The following C1orf94 variants were observed in gnomAD, a reference collection of about 807,000 sequenced individuals.
C1orf94 encodes the protein uncharacterized protein C1orf94.
A neutral mutation model predicts 53.6 loss-of-function variants in C1orf94; 45 were observed. The observed-to-expected ratio is 0.84, with a 90% CI of 0.66 to 1.08. The LOEUF (loss-of-function observed/expected upper bound fraction) is 1.08, where lower values mean the gene tolerates loss of function less well. Among genes scored for constraint, C1orf94 ranks in the 50% least tolerant of loss-of-function variants. C1orf94 has a pLI of 0.00. For missense variants in C1orf94, 762 were observed against 738.9 expected, an observed-to-expected ratio of 1.03 and a Z score of -0.36; for synonymous variants, 304 against 296.1, an observed-to-expected ratio of 1.03 and a Z score of -0.27.
intron 1 of C1orf94, among the ~76,000 whole-genome samples, chr1:34,184,047 C>T (rs961841667): frequency 6.6e-6 from 1 of 152,134 alleles, no homozygotes; most frequent in Non-Finnish European, 1.5e-5. Context: ...TGAGGGGACA[C>T]ATGACTGAAC....
intron 3 of C1orf94, 65 bp from the exon 4 acceptor site, chr1:34,202,019 T>C (rs1272438090): frequency 6.5e-7 from 1 of 1,547,088 alleles, no homozygotes; most frequent in African/African-American, 1.4e-5. Context: ...GTTGCGATGC[T>C]GAAGGTGTCC....
rs1642632077 is a variant in C1orf94 at position 34,198,028 on chromosome 1, C to A, written c.1009+115C>A. 7 of 1,141,434 alleles carry A rather than the reference C, an allele frequency of 6.1e-6. No individual in the cohort carries two copies. In the Admixed American group the frequency reaches 1.4e-4, roughly 23 times the overall value. 70.7% of individuals were successfully genotyped at this position (1,141,434 alleles called of 1,614,324 possible). A position where few individuals can be genotyped will look rare whatever the true frequency, so the allele number is the denominator to read the frequency against. On this transcript the variant is annotated intron_variant, in intron 2 of 6. Coordinates refer to ENST00000488417, the MANE Select transcript of C1orf94 (RefSeq NM_001134734.2). ...CATCTTCATGCAAAGCAAGACAAAG[C>A]AGCCTCTCTGGTGGGCACAGCCCCG... is the stretch of plus-strand genomic sequence containing the variant.
rs371680483 is a variant in C1orf94, at chr1:34,200,908, G to A, written c.1146G>A (p.Pro382=). 3.3e-5 allele frequency: 54 copies of A among 1,613,998 alleles called. No homozygotes were observed. The highest frequency in any genetic ancestry group is 5.3e-5 in the African/African-American group (4 of 74,888). ...TGGGCACCGCATCACTGACCCTGCC[G>A]CCCAAGAAACCTACATGTCCAGCCG... ...DAVGTASLTL[P]PKKPTCPAEK... is the part of the protein sequence containing the mutation. Residue 382 remains proline, a synonymous_variant, in exon 3 of 7, where the codon CCG becomes CCA. Coordinates refer to ENST00000488417, the MANE Select transcript of C1orf94 (RefSeq NM_001134734.2).
chr1:34,200,598 G>A lies in C1orf94; in HGVS notation c.1010-174G>A, dbSNP rs139708311. Among the ~76,000 whole-genome samples the A allele has an allele frequency of 6.8e-3, 1,031 of 152,252 alleles. 10 individuals carry two copies. The highest frequency in any genetic ancestry group is 0.027 in the South Asian group (130 of 4,808). Reference sequence around the variant, plus strand: ...CATGAGATCGGGGGGCAGGGGCCAGGGAGGGTTTCAGGGAGAGATTGGGAT... The same window carrying A: ...CATGAGATCGGGGGGCAGGGGCCAGAGAGGGTTTCAGGGAGAGATTGGGAT... On this transcript the variant is annotated intron_variant, in intron 2 of 6. Coordinates refer to ENST00000488417, the MANE Select transcript of C1orf94 (RefSeq NM_001134734.2).
rs776573759 is a variant in C1orf94 at position 34,201,013 on chromosome 1, G to T, written c.1251G>T (p.Val417=). 7.5e-6 allele frequency: 12 copies of T among 1,598,742 alleles called. No homozygotes were observed. The East Asian group carries it at 1.8e-4, about 24-fold the overall frequency. The change falls in exon 3 of 7, where the codon GTG becomes GTT. Residue 417 remains valine (V), a synonymous_variant. Coordinates refer to ENST00000488417, the MANE Select transcript of C1orf94 (RefSeq NM_001134734.2). The part of the protein sequence containing the change: ...GQPRLRNKVE[V]DGPELKFNAP... ...CGAGACTTCGAAACAAAGTGGAAGTGGATGGGCCGGAGCTGAAATGTGAGC... is the reference window on the plus strand; with the variant it reads ...CGAGACTTCGAAACAAAGTGGAAGTTGATGGGCCGGAGCTGAAATGTGAGC...
chr1:34,209,214 G>T (rs1018200803), intron 5 of C1orf94, among the ~76,000 whole-genome samples: 1 of 151,772 alleles, frequency 6.6e-6, no homozygotes, highest in South Asian at 2.1e-4. Flanking sequence ...CAATGACCAT[G>T]CTTTACTACA....
rs76109106 is a variant in C1orf94, at chr1:34,200,271, T to C, written c.1010-501T>C. Among the ~76,000 whole-genome samples the C allele has an allele frequency of 9.9e-3, 1,503 of 152,294 alleles. 24 individuals are homozygous for C. Among genetic ancestry groups the C allele is most frequent in the African/African-American group, 0.034 (1,412 of 41,550 alleles). ...ATGTGCTCACTGAAGGCAGGAACTG[T>C]GTCCACAACATCCTTGTTTTCGCAG... is the stretch of plus-strand genomic sequence containing the variant. On this transcript the variant is annotated intron_variant, in intron 2 of 6. Transcript: ENST00000488417.
intron 1 of C1orf94, among the ~76,000 whole-genome samples, chr1:34,170,455 G>A (rs1642129812): frequency 6.6e-6 from 1 of 152,110 alleles, no homozygotes; most frequent in Non-Finnish European, 1.5e-5. Flanking sequence ...GCACAGAGTG[G>A]GCCAGCTCAG....
intron 6 of C1orf94, among the ~76,000 whole-genome samples, chr1:34,215,521 G>A (rs1173429271): frequency 6.6e-6 from 1 of 152,168 alleles, no homozygotes; most frequent in African/African-American, 2.4e-5. Context: ...TTGAGCAAGA[G>A]GCATTGGTGG....
intron 5 of C1orf94, among the ~76,000 whole-genome samples, chr1:34,210,336 A>G (rs1642869446): frequency 6.6e-6 from 1 of 152,224 alleles, no homozygotes; most frequent in African/African-American, 2.4e-5. Flanking sequence ...TGCGCCCAGC[A>G]TCACCAGGCC....
intron 1 of C1orf94, among the ~76,000 whole-genome samples, chr1:34,190,221 C>A (rs1642460882): frequency 6.6e-6 from 1 of 152,202 alleles, no homozygotes; most frequent in Non-Finnish European, 1.5e-5. Flanking sequence ...AGGCCCCAGT[C>A]CCCTCCTGTC....
At chr1:34,218,485 G>A (rs1317014683) in intron 6 of C1orf94, among the ~76,000 whole-genome samples, 2 of 152,056 alleles carry the variant, frequency 1.3e-5, no homozygotes, top group Admixed American at 6.5e-5. Context: ...AAGGAGAAGC[G>A]CTTGATTGTC....
At chr1:34,193,917 G>C (rs56387406) in intron 1 of C1orf94, among the ~76,000 whole-genome samples, 2 of 152,206 alleles carry the variant, frequency 1.3e-5, no homozygotes, top group Non-Finnish European at 2.9e-5. Context: ...AGCTTTCTAA[G>C]AGCCTCATTG....
chr1:34,196,802 C>A (rs1642593836), intron 1 of C1orf94, among the ~76,000 whole-genome samples: 1 of 152,206 alleles, frequency 6.6e-6, no homozygotes, highest in African/African-American at 2.4e-5. Context: ...TCAGCCCCAG[C>A]ACCCTAGACT....
At chr1:34,199,398 T>A (rs1403825169) in intron 2 of C1orf94, among the ~76,000 whole-genome samples, 1 of 152,168 alleles carries the variant, frequency 6.6e-6, no homozygotes, top group Non-Finnish European at 1.5e-5. Flanking sequence ...GAAAAGACTC[T>A]AGGGATGTTT....
At chr1:34,200,555 T>C (rs191516798) in intron 2 of C1orf94, among the ~76,000 whole-genome samples, 191 of 151,780 alleles carry the variant, frequency 1.3e-3, no homozygotes, top group African/African-American at 4.4e-3. Context: ...AATGAACAGA[T>C]GGATGGATTG....
Position 34,167,718 on chromosome 1 carries a change from C to T in C1orf94, c.-251+547C>T, listed in dbSNP as rs117441548. Among the ~76,000 whole-genome samples, 5 of 151,928 alleles carry T rather than the reference C, an allele frequency of 3.3e-5. No individual in the cohort carries two copies. In the East Asian group the frequency reaches 9.7e-4, roughly 30 times the overall value. Reference sequence around the variant, plus strand: ...TGCAGGCCAGAGGTGGAAACCCACACGTAACTGATACCGTCAGACAGCGAT... The same window carrying T: ...TGCAGGCCAGAGGTGGAAACCCACATGTAACTGATACCGTCAGACAGCGAT... On this transcript the variant is annotated intron_variant, in intron 1 of 6. Transcript: ENST00000373374.
Position 34,210,847 on chromosome 1 carries a change from G to T in C1orf94, c.1525-1363G>T, listed in dbSNP as rs550569991. Among the ~76,000 whole-genome samples the T allele has an allele frequency of 4.6e-5, 7 of 152,086 alleles. No homozygotes were observed. In the South Asian group the frequency reaches 1.0e-3, roughly 23 times the overall value. On this transcript the variant is annotated intron_variant, in intron 5 of 6. Coordinates refer to ENST00000488417, the MANE Select transcript of C1orf94 (RefSeq NM_001134734.2). The stretch of plus-strand genomic sequence containing the variant: ...TTGTTGTATTTTTGGTAGAGACAGG[G>T]TTTCACCATATTGGCCAGGCTGGTC...
At chr1:34,212,607 G>A (rs1475740582) in intron 6 of C1orf94, among the ~76,000 whole-genome samples, 1 of 152,170 alleles carries the variant, frequency 6.6e-6, no homozygotes, top group Non-Finnish European at 1.5e-5. Context: ...GGCCTGGTGG[G>A]CCCCTTTTGT....
Sources: gnomAD v4.1 joint callset for allele counts (sites outside exome capture counted in the v4.1 genomes callset) on GRCh38, gnomAD v4.1.1 for gene constraint, MANE v1.5 for transcripts, NCBI Gene and HGNC (gene_info 2026-07-23, HGNC 2026-07-21) for gene names.